PRKN: variants seen among roughly 807,000 people sequenced by gnomAD.
The protein encoded by PRKN is parkin RBR E3 ubiquitin protein ligase.
Under a neutral mutation model 59.5 loss-of-function variants are expected in PRKN, and 56 were observed. That is an observed-to-expected ratio of 0.94 (90% confidence interval 0.76 to 1.18). The LOEUF (loss-of-function observed/expected upper bound fraction) is 1.18, where lower values mean the gene tolerates loss of function less well. PRKN is among the 50% of genes most tolerant of loss of function. The pLI, the probability that PRKN is intolerant of heterozygous loss-of-function variation, is 0.00. For missense variants in PRKN, 657 were observed against 596.4 expected (o/e 1.10, Z -1.06); for synonymous variants, 250 against 222.1 (o/e 1.13, Z -1.12).
chr6:161,812,351 T>C lies in PRKN; in HGVS notation c.735-26443A>G, dbSNP rs143596539. 6.9e-3 allele frequency among the ~76,000 whole-genome samples: 1,052 copies of C among 152,254 alleles called. 14 individuals carry two copies. Among genetic ancestry groups the C allele is most frequent in the African/African-American group, 0.024 (1,007 of 41,546 alleles). On this transcript the variant is annotated intron_variant, in intron 6 of 11. Coordinates refer to ENST00000366898, the MANE Select transcript of PRKN (RefSeq NM_004562.3). ...AGTTTGAGGCTGCAGATTACGGCAC[T>C]GTACTCCAGCTTGGGCAACAGAGCA...
intron 5 of PRKN, among the ~76,000 whole-genome samples, chr6:162,012,008 A>T (rs928842483): frequency 2.0e-5 from 3 of 152,100 alleles, no homozygotes; most frequent in Non-Finnish European, 2.9e-5. Flanking sequence ...ACACTGTGCT[A>T]TGTCATATTT....
At chr6:162,711,543 A>T (rs1359637007) in intron 1 of PRKN, among the ~76,000 whole-genome samples, 4 of 152,176 alleles carry the variant, frequency 2.6e-5, no homozygotes, top group Non-Finnish European at 5.9e-5. Flanking sequence ...GTGCAAACAC[A>T]GATTGCTTCA....
chr6:162,537,504 C>CT (rs1400414442), intron 1 of PRKN, among the ~76,000 whole-genome samples: 1 of 152,180 alleles, frequency 6.6e-6, no homozygotes, highest in African/African-American at 2.4e-5. Context: ...AGTTTCCTCC[C>CT]TGCAGCCTGG....
At position 161,360,076 on chromosome 6, in the gene PRKN, GCA is replaced by G; in HGVS notation, c.1285+10_1285+11del. 1 of 1,563,614 alleles carries G rather than the reference GCA, an allele frequency of 6.4e-7. No homozygotes were observed. The highest frequency in any genetic ancestry group is 8.8e-7 in the Non-Finnish European group (1 of 1,133,888). The stretch of plus-strand genomic sequence containing the variant: ...ACACGACATCCTCATTCTCTGCTCA[GCA>G]CAGACTCACCATTTTTTTCCACTGG... On this transcript the variant is annotated intron_variant, in intron 11 of 11. Coordinates refer to ENST00000366898, the MANE Select transcript of PRKN (RefSeq NM_004562.3). This position sits in a 1 kb window ranked among gnomAD's most constrained non-coding sequence, Gnocchi z 5.1.
chr6:161,959,484 G>A (rs908083093), intron 6 of PRKN, among the ~76,000 whole-genome samples: 3 of 152,152 alleles, frequency 2.0e-5, no homozygotes, highest in Admixed American at 6.6e-5. Context: ...CATTTCCAAA[G>A]CAATCCTTTT....
chr6:161,432,811 G>A (rs1173575518), intron 9 of PRKN, among the ~76,000 whole-genome samples: 6 of 152,192 alleles, frequency 3.9e-5, no homozygotes, highest in Non-Finnish European at 5.9e-5. Flanking sequence ...ATTTTATCAA[G>A]AGATGCTTTA....
In PRKN at chr6:161,828,919, G is replaced by A. The variant is rs1188510434; in HGVS notation, c.735-43011C>T. On this transcript the variant is annotated intron_variant, in intron 6 of 11. Transcript: ENST00000366898. ...CACTCTAGTCTGGAAAACAAAGTGAGACTCCATCTCAAAAAAAAAAAAAAG... is the reference window on the plus strand; with the variant it reads ...CACTCTAGTCTGGAAAACAAAGTGAAACTCCATCTCAAAAAAAAAAAAAAG... Among the ~76,000 whole-genome samples, 12 of 142,528 alleles carry A rather than the reference G, an allele frequency of 8.4e-5. No individual in the cohort carries two copies. The Admixed American group carries it at 8.7e-4, about 10-fold the overall frequency. The allele number at this position is 142,528 out of a possible 152,430, so 93.5% of individuals were successfully genotyped here.
At chr6:162,252,129 G>A (rs1779460455) in intron 3 of PRKN, among the ~76,000 whole-genome samples, 1 of 152,172 alleles carries the variant, frequency 6.6e-6, no homozygotes, top group African/African-American at 2.4e-5. Flanking sequence ...TGTGCATAAA[G>A]AGGGAAGGAA....
chr6:162,687,370 G>C (rs948551645), intron 1 of PRKN, among the ~76,000 whole-genome samples: 1 of 151,860 alleles, frequency 6.6e-6, no homozygotes. Context: ...ATTTTTAGTG[G>C]AGACGGGGTT....
intron 9 of PRKN, among the ~76,000 whole-genome samples, chr6:161,485,503 T>C (rs1420018504): frequency 6.6e-6 from 1 of 152,216 alleles, no homozygotes; most frequent in Non-Finnish European, 1.5e-5. Context: ...TAGTAAACTA[T>C]ATTTATTTTA....
At chr6:161,975,915 T>C (rs1275811427) in intron 5 of PRKN, among the ~76,000 whole-genome samples, 2 of 151,568 alleles carry the variant, frequency 1.3e-5, no homozygotes, top group South Asian at 2.1e-4. Context: ...GCCATTTTAC[T>C]TTTTTTTTGA....
chr6:162,678,531 T>C (rs904890046), intron 1 of PRKN, among the ~76,000 whole-genome samples: 16 of 152,220 alleles, frequency 1.1e-4, no homozygotes, highest in Non-Finnish European at 1.8e-4. Context: ...TCAACTTACA[T>C]TTCCCCAATG....
At chr6:162,250,242 A>G (rs1779375444) in intron 3 of PRKN, among the ~76,000 whole-genome samples, 1 of 152,164 alleles carries the variant, frequency 6.6e-6, no homozygotes, top group African/African-American at 2.4e-5. Context: ...AAATGGGCCA[A>G]ATAGACAACT....
chr6:161,866,921 G>C (rs1794134174), intron 6 of PRKN, among the ~76,000 whole-genome samples: 1 of 152,094 alleles, frequency 6.6e-6, no homozygotes, highest in Non-Finnish European at 1.5e-5. Context: ...AGGATGGATG[G>C]GGTGATGAGG....
chr6:161,351,976 G>GA (rs1784568537), intron 11 of PRKN, among the ~76,000 whole-genome samples: 1 of 152,146 alleles, frequency 6.6e-6, no homozygotes, highest in Admixed American at 6.5e-5. Context: ...ATGAGTTTCT[G>GA]GAGTGCACAC....
At chr6:162,549,989 T>C (rs1409185143) in intron 1 of PRKN, among the ~76,000 whole-genome samples, 1 of 152,112 alleles carries the variant, frequency 6.6e-6, no homozygotes, top group Non-Finnish European at 1.5e-5. Flanking sequence ...AGCCACACAG[T>C]GGATGATGAA....
At chr6:161,506,134 G>A (rs919278042) in intron 9 of PRKN, among the ~76,000 whole-genome samples, 13 of 151,426 alleles carry the variant, frequency 8.6e-5, no homozygotes, top group African/African-American at 3.2e-4. Context: ...CCATTTTCAC[G>A]ATATTGATTC....
At chr6:161,478,468 A>T (rs527900277) in intron 9 of PRKN, among the ~76,000 whole-genome samples, 10 of 152,352 alleles carry the variant, frequency 6.6e-5, no homozygotes, top group Admixed American at 1.3e-4. Context: ...CACATGTGAT[A>T]ATTGATCTAC....
intron 6 of PRKN, among the ~76,000 whole-genome samples, chr6:161,796,104 C>A (rs1583174981): frequency 6.6e-6 from 1 of 152,116 alleles, no homozygotes; most frequent in African/African-American, 2.4e-5. Flanking sequence ...TGACAATAAA[C>A]TGGCTACGCA....
Sources: gnomAD v4.1 joint callset for allele counts (sites outside exome capture counted in the v4.1 genomes callset) on GRCh38, gnomAD v4.1.1 for gene constraint, Gnocchi (gnomAD v3.1) non-coding constraint, MANE v1.5 for transcripts, NCBI Gene and HGNC (gene_info 2026-07-23, HGNC 2026-07-21) for gene names.